Variants in ARFGAP3 observed in about 807,000 individuals in gnomAD.
The protein encoded by ARFGAP3 is ARF GTPase activating protein 3.
Under a neutral mutation model 75.0 loss-of-function variants are expected in ARFGAP3, and 72 were observed. The ratio of observed to expected loss-of-function variants is 0.96; its 90% confidence interval spans 0.79 to 1.17. The LOEUF is 1.17. ARFGAP3 is among the 50% of genes most tolerant of loss of function. The probability of loss-of-function intolerance (pLI) is 0.00; values close to 1 mark genes in which losing one functional copy is unlikely to be tolerated. For missense variants in ARFGAP3, 620 were observed against 626.6 expected, an observed-to-expected ratio of 0.99 and a Z score of 0.11; for synonymous variants, 221 against 217.9, an observed-to-expected ratio of 1.01 and a Z score of -0.13.
chr22:42,850,761 G>C (rs374586366), intron 1 of ARFGAP3, among the ~76,000 whole-genome samples: 2 of 152,122 alleles, frequency 1.3e-5, no homozygotes, highest in African/African-American at 2.4e-5. Flanking sequence ...CACACTGATC[G>C]CACACTGAAT....
intron 11 of ARFGAP3, among the ~76,000 whole-genome samples, chr22:42,815,955 A>G (rs1039071367): frequency 3.3e-5 from 5 of 152,196 alleles, no homozygotes; most frequent in African/African-American, 1.2e-4. Context: ...TCTATTAAAA[A>G]TACAAAAAAT....
chr22:42,830,001 A>G (rs1285155541), intron 6 of ARFGAP3, among the ~76,000 whole-genome samples: 3 of 152,244 alleles, frequency 2.0e-5, no homozygotes, highest in African/African-American at 7.2e-5. Flanking sequence ...TGATTCACTG[A>G]TATGTCTACG....
chr22:42,821,154 T>C (rs891417856), intron 9 of ARFGAP3, among the ~76,000 whole-genome samples: 5 of 152,330 alleles, frequency 3.3e-5, no homozygotes, highest in East Asian at 1.9e-4. Flanking sequence ...ACCAGAGCCA[T>C]AGTCTTCCAT....
intron 1 of ARFGAP3, among the ~76,000 whole-genome samples, chr22:42,853,011 G>A (rs1181840730): frequency 2.0e-5 from 3 of 152,130 alleles, no homozygotes; most frequent in Non-Finnish European, 4.4e-5. Context: ...TGATCCACCC[G>A]CCTCAGCCTC....
chr22:42,799,385 C>T (rs1924755659), intron 14 of ARFGAP3: 1 of 271,390 alleles, frequency 3.7e-6, no homozygotes, highest in Non-Finnish European at 5.6e-6. Flanking sequence ...GGACTTAACA[C>T]CACTATGAGT....
chr22:42,835,445 T>G lies in ARFGAP3; in HGVS notation c.310A>C (p.Lys104Gln), dbSNP rs769718299. Residue 104 changes from lysine (K) to glutamine (Q), a missense_variant, in exon 4 of 16, where the codon AAG becomes CAG. Transcript: ENST00000263245. ...AGCTGAGCAGCACGACTGTTGTACT[T>G]GGCATTGGTGTCATTGGTGGAACAC... The part of the protein sequence containing the change: ...HGCSTNDTNA[K>Q]YNSRAAQLYR... 1.2e-6 allele frequency: 2 copies of G among 1,614,096 alleles called. No homozygotes were observed. Among genetic ancestry groups the G allele is most frequent in the Non-Finnish European group, 1.7e-6 (2 of 1,179,986 alleles).
At chr22:42,839,544 G>C (rs1056487597) in intron 3 of ARFGAP3, among the ~76,000 whole-genome samples, 1 of 149,246 alleles carries the variant, frequency 6.7e-6, no homozygotes, top group Non-Finnish European at 1.5e-5. Flanking sequence ...GTTGCAGTGA[G>C]CTGAGATGGC....
At chr22:42,826,346 C>G (rs1010529828) in intron 7 of ARFGAP3, among the ~76,000 whole-genome samples, 1 of 150,992 alleles carries the variant, frequency 6.6e-6, no homozygotes, top group African/African-American at 2.4e-5. Flanking sequence ...GAATCAAAAC[C>G]ATCAGCAGCC....
intron 9 of ARFGAP3, among the ~76,000 whole-genome samples, chr22:42,820,784 G>A (rs1925779389): frequency 6.6e-6 from 1 of 152,036 alleles, no homozygotes; most frequent in Non-Finnish European, 1.5e-5. Flanking sequence ...TTTCCAGAAG[G>A]CCATCTTTCT....
chr22:42,819,108 C>T (rs531537159), intron 9 of ARFGAP3, among the ~76,000 whole-genome samples: 6 of 152,234 alleles, frequency 3.9e-5, no homozygotes, highest in East Asian at 1.9e-4. Flanking sequence ...CCACCGCGCC[C>T]GGTGCAGAAT....
intron 3 of ARFGAP3, among the ~76,000 whole-genome samples, chr22:42,835,980 C>CTTTTTTTT (rs545758118): frequency 4.7e-5 from 5 of 105,742 alleles, no homozygotes; most frequent in African/African-American, 3.8e-5. Flanking sequence ...CCATTTCTTT[C>CTTTTTTTT]TTTTTTTTTT....
intron 14 of ARFGAP3, among the ~76,000 whole-genome samples, chr22:42,802,346 C>T (rs556822965): frequency 2.7e-5 from 4 of 150,942 alleles, no homozygotes; most frequent in Admixed American, 6.6e-5. Flanking sequence ...AGTGTAGTGG[C>T]GCGATCTTAG....
rs539476025 is a variant in ARFGAP3, at chr22:42,857,228, A to T, written c.-46T>A. On this transcript the variant is annotated 5_prime_UTR_variant, in exon 1 of 16. Transcript: ENST00000263245. ...GCAGCTGGCCCAGCCAACCGGTAAG[A>T]GTCGACGAAAAGCGGCTACCGCCTC... is the stretch of plus-strand genomic sequence containing the variant. 1 of 1,491,292 alleles carries T rather than the reference A, an allele frequency of 6.7e-7. No individual in the cohort carries two copies. Among genetic ancestry groups the T allele is most frequent in the Non-Finnish European group, 9.0e-7 (1 of 1,116,344 alleles). The allele number at this position is 1,491,292 out of a possible 1,614,324, so 92.4% of individuals were successfully genotyped here. A position where few individuals can be genotyped will look rare whatever the true frequency, so the allele number is the denominator to read the frequency against.
Position 42,823,658 on chromosome 22 carries a change from C to CT in ARFGAP3, c.669dup (p.Gly224ArgfsTer20). ...TATATAAAGTACATAATACTCACGCCTTTTTTAGCTTGATTTGGTTTCTTT... is the reference window on the plus strand; with the variant it reads ...TATATAAAGTACATAATACTCACGCCTTTTTTTAGCTTGATTTGGTTTCTTT... On this transcript the variant is annotated frameshift_variant, in exon 8 of 16. Transcript: ENST00000263245. LOFTEE classifies it high-confidence loss of function. 6 of 1,567,474 alleles carry CT rather than the reference C, an allele frequency of 3.8e-6. No individual in the cohort carries two copies. The highest frequency in any genetic ancestry group is 1.4e-5 in the African/African-American group (1 of 72,700).
chr22:42,835,453 G>T lies in ARFGAP3; in HGVS notation c.302C>A (p.Thr101Asn). 6.2e-7 allele frequency: 1 copy of T among 1,614,082 alleles called. No individual in the cohort carries two copies. The highest frequency in any genetic ancestry group is 1.1e-5 in the South Asian group (1 of 91,084). The change falls in exon 4 of 16, where the codon ACC becomes AAC. Residue 101 changes from threonine to asparagine, a missense_variant. Physicochemically the swap from Thr to Asn is moderately conservative, Grantham distance 65 (BLOSUM62 0). Transcript: ENST00000263245. ...AGCACGACTGTTGTACTTGGCATTG[G>T]TGTCATTGGTGGAACACCCATGTTG... ...FHQHGCSTNDTNAKYNSRAAQ... is the reference protein window; with the variant it reads ...FHQHGCSTNDNNAKYNSRAAQ...
chr22:42,839,146 C>T (rs1169849656), intron 3 of ARFGAP3, among the ~76,000 whole-genome samples: 2 of 149,218 alleles, frequency 1.3e-5, no homozygotes, highest in African/African-American at 4.9e-5. Context: ...AAAGAAAATC[C>T]TTACTTAGGT....
chr22:42,824,625 A>G (rs1471426062), intron 7 of ARFGAP3, among the ~76,000 whole-genome samples: 7 of 151,820 alleles, frequency 4.6e-5, no homozygotes, highest in Admixed American at 1.3e-4. Context: ...TTGGCTTTCT[A>G]AAGTGCTGGG....
intron 14 of ARFGAP3, among the ~76,000 whole-genome samples, chr22:42,800,926 T>A (rs1924826606): frequency 6.6e-6 from 1 of 151,314 alleles, no homozygotes; most frequent in African/African-American, 2.4e-5. Context: ...CTCCTCCCTA[T>A]CTTTTCCCAG....
At chr22:42,816,327 G>T (rs1027854297) in intron 11 of ARFGAP3, among the ~76,000 whole-genome samples, 16 of 152,172 alleles carry the variant, frequency 1.1e-4, no homozygotes, top group African/African-American at 3.6e-4. Context: ...ATAGCACAAA[G>T]AAGTTAAATA....
Sources: gnomAD v4.1 joint callset for allele counts (sites outside exome capture counted in the v4.1 genomes callset) on GRCh38, gnomAD v4.1.1 for gene constraint, MANE v1.5 for transcripts, NCBI Gene and HGNC (gene_info 2026-07-23, HGNC 2026-07-21) for gene names.